ASPHD1: variants seen among roughly 807,000 people sequenced by gnomAD.
ASPHD1 encodes aspartate beta-hydroxylase domain containing 1.
ASPHD1 carries 20 observed loss-of-function variants against 28.3 expected under a neutral mutation model. That is an observed-to-expected ratio of 0.71 (90% CI 0.50 to 1.03). The LOEUF is 1.03. ASPHD1 is among the 50% of genes least tolerant of loss of function. The pLI, the probability that ASPHD1 is intolerant of heterozygous loss-of-function variation, is 0.00. For synonymous variants in ASPHD1, 240 were observed against 221.2 expected (o/e 1.08, Z -0.75); for missense variants, 479 against 524.1 (o/e 0.91, Z 0.84).
At chr16:29,907,209 C>A (rs1271195807), downstream of ASPHD1, 2 of 785,066 alleles carry the variant, frequency 2.5e-6, no homozygotes, top group Non-Finnish European at 4.1e-6. Flanking sequence ...CCTAGCCCTG[C>A]AGTCAGGTCC....
chr16:29,909,148 C>A (rs567421275), downstream of ASPHD1, among the ~76,000 whole-genome samples: 1 of 152,278 alleles, frequency 6.6e-6, no homozygotes, highest in Admixed American at 6.5e-5. Flanking sequence ...CATGGCCCTG[C>A]CCTCAAGGAA....
At position 29,901,604 on chromosome 16, in the gene ASPHD1, GCTC is replaced by G. The variant is rs2068549942; in HGVS notation, c.636_638del (p.Leu213del). ...GGGACGCCCAGCGGCACGACGTGGA[GCTC>G]CTGGAGAGCAGCTTCCCTGCCATTT... On this transcript the variant is annotated inframe_deletion, in exon 1 of 3. Coordinates refer to ENST00000308748, the MANE Select transcript of ASPHD1 (RefSeq NM_181718.4). This position sits in a 1 kb window ranked among gnomAD's most constrained non-coding sequence, Gnocchi z 5.1. The G allele has an allele frequency of 1.3e-6, 2 of 1,555,112 alleles. No homozygotes were observed. Among genetic ancestry groups the G allele is most frequent in the Non-Finnish European group, 1.7e-6 (2 of 1,159,672 alleles).
chr16:29,902,608 T>C (rs562699303), intron 1 of ASPHD1, among the ~76,000 whole-genome samples: 2 of 151,714 alleles, frequency 1.3e-5, no homozygotes, highest in East Asian at 2.0e-4. Flanking sequence ...CCCGGGTTCA[T>C]ACCATTCTCC....
intron 3 of ASPHD1, chr16:29,911,869 T>C: frequency 6.2e-7 from 1 of 1,612,230 alleles, no homozygotes; most frequent in Non-Finnish European, 8.5e-7. Flanking sequence ...CACCACGGGC[T>C]GGCGGGGGAG....
downstream of ASPHD1, among the ~76,000 whole-genome samples, chr16:29,910,193 A>AT (rs1567440077): frequency 5.9e-5 from 9 of 151,510 alleles, no homozygotes; most frequent in South Asian, 1.9e-3. Flanking sequence ...AGGTCAAGAG[A>AT]TTGAGACCAT....
downstream of ASPHD1, chr16:29,906,981 C>T (rs781329570): frequency 4.0e-5 from 64 of 1,614,062 alleles, 1 homozygote; most frequent in East Asian, 1.3e-3. Flanking sequence ...ATCCTCCCCG[C>T]GGCCAGCCCC....
intron 3 of ASPHD1, among the ~76,000 whole-genome samples, chr16:29,912,597 C>T (rs2068735278): frequency 6.6e-6 from 1 of 152,188 alleles, no homozygotes; most frequent in African/African-American, 2.4e-5. Flanking sequence ...TGTGCCACCA[C>T]ACCCAGCTAA....
rs367613879 is a variant in ASPHD1, at chr16:29,904,849, C to T, written c.950-3C>T. ...TGCTGGATGCCCGCGTCTCTTCTTA[C>T]AGGCCTAAAGATCCCTCCTGGCTGT... On this transcript the variant is annotated splice_region_variant and splice_polypyrimidine_tract_variant and intron_variant, in intron 1 of 2. Coordinates refer to ENST00000308748, the MANE Select transcript of ASPHD1 (RefSeq NM_181718.4). The T allele has an allele frequency of 3.7e-6, 6 of 1,605,890 alleles. No homozygotes were observed. Among genetic ancestry groups the T allele is most frequent in the South Asian group, 2.2e-5 (2 of 90,222 alleles).
At chr16:29,914,858 G>GAAGCCGGGC (rs1027821156) in intron 3 of ASPHD1, 1 of 152,184 alleles carries the variant, frequency 6.6e-6, no homozygotes, top group African/African-American at 2.4e-5. Flanking sequence ...AAAAGCAGGG[G>GAAGCCGGGC]AAGCCGGGCG....
Position 29,900,846 on chromosome 16 carries a change from G to A in ASPHD1, c.-126G>A, listed in dbSNP as rs2068531149. The A allele has an allele frequency of 3.6e-6, 3 of 831,078 alleles. No individual in the cohort carries two copies. Among genetic ancestry groups the A allele is most frequent in the Non-Finnish European group, 5.7e-6 (3 of 527,682 alleles). The allele number at this position is 831,078 out of a possible 1,614,324, so 51.5% of individuals were successfully genotyped here. ...GAGATTGAGGTGGGAGAGAGAAGCA[G>A]AGCGAGAGAGAGGAGGCTGCTGGAA... On this transcript the variant is annotated 5_prime_UTR_variant, in exon 1 of 3. Coordinates refer to ENST00000308748, the MANE Select transcript of ASPHD1 (RefSeq NM_181718.4).
chr16:29,911,914 AG>A (rs770003356), intron 3 of ASPHD1: 1 of 1,607,698 alleles, frequency 6.2e-7, no homozygotes, highest in Admixed American at 1.7e-5. Context: ...CTGCAGGGAG[AG>A]GCCCCCCCAG....
At chr16:29,910,313 G>A (rs150830521), downstream of ASPHD1, among the ~76,000 whole-genome samples, 1 of 151,950 alleles carries the variant, frequency 6.6e-6, no homozygotes, top group Non-Finnish European at 1.5e-5. Context: ...CAGAAGAATC[G>A]CTTGAACCTG....
downstream of ASPHD1, chr16:29,907,066 T>A: frequency 1.2e-6 from 2 of 1,612,874 alleles, no homozygotes; most frequent in Non-Finnish European, 1.7e-6. Flanking sequence ...TAGATGAGGA[T>A]GTTCAGGGTC....
upstream of ASPHD1, chr16:29,900,416 C>T (rs901562865): frequency 6.3e-6 from 1 of 159,040 alleles, no homozygotes; most frequent in Non-Finnish European, 1.4e-5. Context: ...CCCCTGCGCC[C>T]CACGTGGCGC....
chr16:29,901,766 C>T lies in ASPHD1; in HGVS notation c.795C>T (p.Cys265=). ...CAGGCCGGTGCCAACCCAGCAACTGCCGCCGGTGCCCGGGGGCCTATCGGG... is the reference window on the plus strand; with the variant it reads ...CAGGCCGGTGCCAACCCAGCAACTGTCGCCGGTGCCCGGGGGCCTATCGGG... ...YQAGRCQPSN[C]RRCPGAYRAL... Residue 265 remains cysteine, a synonymous_variant, in exon 1 of 3, where the codon TGC becomes TGT. Coordinates refer to ENST00000308748, the MANE Select transcript of ASPHD1 (RefSeq NM_181718.4). The surrounding 1 kb of genome is among the most constrained non-coding windows in gnomAD (Gnocchi z 5.1). The T allele has an allele frequency of 6.4e-7, 1 of 1,551,034 alleles. No individual in the cohort carries two copies. Among genetic ancestry groups the T allele is most frequent in the East Asian group, 2.3e-5 (1 of 43,672 alleles).
At chr16:29,919,742 A>AACAC (rs138431550), downstream of ASPHD1, 2 of 151,282 alleles carry the variant, frequency 1.3e-5, no homozygotes, top group African/African-American at 4.8e-5. Flanking sequence ...TTGGCAAGCA[A>AACAC]ACACACACAC....
At position 29,900,730 on chromosome 16, in the gene ASPHD1, G is replaced by T; in HGVS notation, c.-242G>T. 1.7e-6 allele frequency: 1 copy of T among 576,648 alleles called. No homozygotes were observed. The highest frequency in any genetic ancestry group is 2.2e-5 in the South Asian group (1 of 46,464). The allele number at this position is 576,648 out of a possible 1,614,324, so 35.7% of individuals were successfully genotyped here. The stretch of plus-strand genomic sequence containing the variant: ...CAGGCTGCGGGTTCCCGGGACTGCA[G>T]GTCCAGGCAGGGTAGGAACCGCTGC... On this transcript the variant is annotated 5_prime_UTR_variant, in exon 1 of 3. It adds an upstream start codon to the 5' untranslated region. Transcript: ENST00000308748.
chr16:29,908,688 T>G (rs12447999), downstream of ASPHD1, among the ~76,000 whole-genome samples: 4 of 150,306 alleles, frequency 2.7e-5, no homozygotes, highest in Admixed American at 2.0e-4. Flanking sequence ...CCGGCCTTTT[T>G]TTTTTTTTTT....
chr16:29,900,744 A>C lies in ASPHD1; in HGVS notation c.-228A>C. ...CCGGGACTGCAGGTCCAGGCAGGGT[A>C]GGAACCGCTGCCCAGGGGAGCTAGG... On this transcript the variant is annotated 5_prime_UTR_variant, in exon 1 of 3. Transcript: ENST00000308748. 4 of 579,528 alleles carry C rather than the reference A, an allele frequency of 6.9e-6. No homozygotes were observed. Among genetic ancestry groups the C allele is most frequent in the East Asian group, 3.0e-5 (1 of 33,662 alleles). The allele number at this position is 579,528 out of a possible 1,614,324, so 35.9% of individuals were successfully genotyped here.
Sources: gnomAD v4.1 joint callset for allele counts (sites outside exome capture counted in the v4.1 genomes callset) on GRCh38, gnomAD v4.1.1 for gene constraint, Gnocchi (gnomAD v3.1) non-coding constraint, MANE v1.5 for transcripts, NCBI Gene and HGNC (gene_info 2026-07-23, HGNC 2026-07-21) for gene names.